Variants in FTO observed in about 807,000 individuals in gnomAD.
FTO encodes the protein alpha-ketoglutarate-dependent dioxygenase FTO.
Under a neutral mutation model 63.9 loss-of-function variants are expected in FTO, and 47 were observed. The observed-to-expected ratio is 0.74, with a 90% CI of 0.58 to 0.94. The LOEUF (loss-of-function observed/expected upper bound fraction) is 0.94, where lower values mean the gene tolerates loss of function less well. Ranked by LOEUF, FTO falls within the 40% of genes least tolerant of loss-of-function variation. The pLI, the probability that FTO is intolerant of heterozygous loss-of-function variation, is 0.00. For missense variants in FTO, 562 were observed against 618.1 expected (o/e 0.91, Z 0.96); for synonymous variants, 207 against 224.4 (o/e 0.92, Z 0.69).
At chr16:53,801,007 A>G (rs1379802490) in intron 1 of FTO, among the ~76,000 whole-genome samples, 2 of 152,030 alleles carry the variant, frequency 1.3e-5, no homozygotes, top group Admixed American at 6.5e-5. Context: ...AATATTTTTT[A>G]TAGGCAACCT....
chr16:53,949,260 A>T (rs1312862539), intron 8 of FTO, among the ~76,000 whole-genome samples: 29 of 152,212 alleles, frequency 1.9e-4, no homozygotes, highest in Non-Finnish European at 2.9e-5. Flanking sequence ...GTAGAAGTGA[A>T]GCTTGAACAA....
chr16:53,802,264 G>A (rs1012683479), intron 1 of FTO, among the ~76,000 whole-genome samples: 1 of 151,910 alleles, frequency 6.6e-6, no homozygotes, highest in Non-Finnish European at 1.5e-5. Flanking sequence ...ATTACTTATA[G>A]TACCTAATAC....
At position 53,826,140 on chromosome 16, in the gene FTO, G is replaced by A. The variant is rs79206939; in HGVS notation, c.400G>A (p.Ala134Thr). Residue 134 changes from alanine (A) to threonine (T), a missense_variant, in exon 3 of 9, where the codon GCT becomes ACT. Ala to Thr is a moderately conservative substitution (Grantham distance 58, BLOSUM62 0). Coordinates refer to ENST00000471389, the MANE Select transcript of FTO (RefSeq NM_001080432.3). The part of the protein sequence containing the change: ...NIKHTEAEIA[A>T]ACETFLKLND... ...AAAACACACCGAGGCTGAAATAGCC[G>A]CTGCTTGTGAGACCTTCCTCAAGCT... The A allele has an allele frequency of 8.1e-4, 1,303 of 1,614,138 alleles. 18 individuals are homozygous for A. In the East Asian group the frequency reaches 0.025, roughly 31 times the overall value.
chr16:53,751,661 G>A (rs550327265), intron 1 of FTO, among the ~76,000 whole-genome samples: 1 of 152,272 alleles, frequency 6.6e-6, no homozygotes, highest in African/African-American at 2.4e-5. Flanking sequence ...TCAGGAGTGA[G>A]GGCTGATCGG....
chr16:53,762,337 C>G (rs2077090914), intron 1 of FTO, among the ~76,000 whole-genome samples: 1 of 151,758 alleles, frequency 6.6e-6, no homozygotes. Context: ...CTTTAATAGT[C>G]CCACATATTC....
At chr16:53,724,208 A>G (rs543883373) in intron 1 of FTO, among the ~76,000 whole-genome samples, 1 of 152,338 alleles carries the variant, frequency 6.6e-6, no homozygotes, top group African/African-American at 2.4e-5. Flanking sequence ...GGGAGTTCAC[A>G]TACTAATTCA....
At chr16:53,855,233 A>G (rs2079952224) in intron 4 of FTO, among the ~76,000 whole-genome samples, 1 of 152,128 alleles carries the variant, frequency 6.6e-6, no homozygotes, top group Non-Finnish European at 1.5e-5. Context: ...ATTACTGGCA[A>G]ACAGAGATAG....
intron 8 of FTO, among the ~76,000 whole-genome samples, chr16:54,079,635 G>T (rs2086090789): frequency 6.6e-6 from 1 of 152,152 alleles, no homozygotes; most frequent in South Asian, 2.1e-4. Flanking sequence ...AAATGGGCAG[G>T]CTCTATTATA....
At chr16:54,010,757 G>A (rs1212773035) in intron 8 of FTO, among the ~76,000 whole-genome samples, 1 of 152,158 alleles carries the variant, frequency 6.6e-6, no homozygotes. Flanking sequence ...CAGTGAATTT[G>A]TGCCCCTGGG....
Position 53,888,944 on chromosome 16 carries a change from A to AGGG in FTO, c.1233_1235dup (p.Gly412dup). On this transcript the variant is annotated inframe_insertion, in exon 7 of 9. Coordinates refer to ENST00000471389, the MANE Select transcript of FTO (RefSeq NM_001080432.3). Reference sequence around the variant, plus strand: ...CTGGAAGCACTGTGGAAGAAGATGGAGGGTGTGGTAAGTCCATCAGACCTG... The same window carrying AGGG: ...CTGGAAGCACTGTGGAAGAAGATGGAGGGGGGTGTGGTAAGTCCATCAGACCTG... 6.2e-7 allele frequency: 1 copy of AGGG among 1,614,014 alleles called. No individual in the cohort carries two copies.
At chr16:53,975,738 T>G (rs2083422246) in intron 8 of FTO, among the ~76,000 whole-genome samples, 1 of 152,156 alleles carries the variant, frequency 6.6e-6, no homozygotes, top group African/African-American at 2.4e-5. Context: ...TTGGACCATA[T>G]AAAATTACTA....
chr16:53,812,371 A>C (rs1384954299), intron 2 of FTO, among the ~76,000 whole-genome samples: 1 of 151,752 alleles, frequency 6.6e-6, no homozygotes, highest in Non-Finnish European at 1.5e-5. Context: ...CCTGGGTTCA[A>C]GCAAGTGCAT....
chr16:53,756,026 AC>A (rs1443976728), intron 1 of FTO, among the ~76,000 whole-genome samples: 1 of 152,040 alleles, frequency 6.6e-6, no homozygotes, highest in African/African-American at 2.4e-5. Context: ...AAAACGCCAA[AC>A]CCTTGGATTG....
At chr16:53,957,432 T>C (rs1023235011) in intron 8 of FTO, among the ~76,000 whole-genome samples, 4 of 152,220 alleles carry the variant, frequency 2.6e-5, no homozygotes, top group Admixed American at 1.3e-4. Context: ...CGCTAGAAAA[T>C]GATTACCATT....
chr16:53,923,084 C>T (rs1013037193), intron 7 of FTO: 1 of 152,116 alleles, frequency 6.6e-6, no homozygotes, highest in African/African-American at 2.4e-5. Context: ...GCTTGGAAAA[C>T]AGAGGGAGAA....
intron 8 of FTO, among the ~76,000 whole-genome samples, chr16:54,018,409 G>GATAGATAC (rs1474063795): frequency 3.5e-3 from 491 of 142,168 alleles, no homozygotes; most frequent in African/African-American, 8.3e-3. Context: ...TAGATAGATA[G>GATAGATAC]ATACATACAT....
intron 1 of FTO, among the ~76,000 whole-genome samples, chr16:53,790,579 CAAAAAA>C (rs34860208): frequency 2.9e-4 from 16 of 55,226 alleles, no homozygotes; most frequent in Non-Finnish European, 4.8e-4. Context: ...CAAAATAAAG[CAAAAAA>C]AAAAAAAAAA....
intron 7 of FTO, among the ~76,000 whole-genome samples, chr16:53,909,802 G>T (rs935207443): frequency 5.3e-5 from 8 of 152,058 alleles, no homozygotes; most frequent in African/African-American, 1.9e-4. Context: ...GACCTCAGGT[G>T]ATCCGCCCGC....
intron 3 of FTO, among the ~76,000 whole-genome samples, chr16:53,827,378 G>A (rs1217880248): frequency 6.6e-6 from 1 of 152,148 alleles, no homozygotes; most frequent in Non-Finnish European, 1.5e-5. Context: ...ACAAGACATA[G>A]TATTAGCTCT....
Sources: gnomAD v4.1 joint callset for allele counts (sites outside exome capture counted in the v4.1 genomes callset) on GRCh38, gnomAD v4.1.1 for gene constraint, MANE v1.5 for transcripts, NCBI Gene and HGNC (gene_info 2026-07-23, HGNC 2026-07-21) for gene names.